Variants in USP9X observed in about 807,000 individuals in gnomAD.
USP9X encodes the protein ubiquitin specific peptidase 9 X-linked.
Under a neutral mutation model 190.3 loss-of-function variants are expected in USP9X, and 7 were observed. The observed-to-expected ratio is 0.04, with a 90% confidence interval of 0.02 to 0.07. The LOEUF is 0.07. USP9X is among the 10% of genes least tolerant of loss of function. USP9X has a pLI of 1.00. For missense variants in USP9X, 1,010 were observed against 1,916.9 expected (o/e 0.53, Z 8.83); for synonymous variants, 645 against 659.5 (o/e 0.98, Z 0.34).
At chrX:41,094,313 A>G (rs1488034760) in intron 1 of USP9X, among the ~76,000 whole-genome samples, 1 of 109,054 alleles carries the variant, frequency 9.2e-6, no homozygotes, top group Non-Finnish European at 1.9e-5. Context: ...AGTAGCTGGG[A>G]TTACAGGTGG....
intron 1 of USP9X, among the ~76,000 whole-genome samples, chrX:41,104,460 C>T (rs1332285098): frequency 8.9e-6 from 1 of 112,179 alleles, no homozygotes; most frequent in Non-Finnish European, 1.9e-5. Flanking sequence ...AATGGAATAA[C>T]AGCTATATCA....
rs142707370 is a variant in USP9X at position 41,154,742 on chromosome X, A to G, written c.1897+1661A>G. On this transcript the variant is annotated intron_variant, in intron 14 of 44. Transcript: ENST00000378308. ...TTAGCTGTATGACTGTGGGCAGGTT[A>G]TTTATGCTAGAATAATGTCTGGCAC... Among the ~76,000 whole-genome samples the G allele has an allele frequency of 1.4e-4, 16 of 111,841 alleles. No homozygotes were observed. In the East Asian group the frequency reaches 4.2e-3, roughly 29 times the overall value.
chrX:41,158,529 TAAAC>T (rs202065273), intron 14 of USP9X, among the ~76,000 whole-genome samples: 3,842 of 111,259 alleles, frequency 0.035, 158 homozygotes, highest in African/African-American at 0.12. Flanking sequence ...TATTCCCAGA[TAAAC>T]AAAGACTGAG....
rs2063371577 is a variant in USP9X, at chrX:41,232,642, G to A, written c.*118G>A. On this transcript the variant is annotated 3_prime_UTR_variant, in exon 45 of 45. Transcript: ENST00000378308. Reference sequence around the variant, plus strand: ...AAACTATTCCTAATCAACATGGAGTGGAGAGTTTATTCACTGTCTTATCTG... The same window carrying A: ...AAACTATTCCTAATCAACATGGAGTAGAGAGTTTATTCACTGTCTTATCTG... 1.0e-6 allele frequency: 1 copy of A among 975,892 alleles called. No individual in the cohort carries two copies. The allele number at this position is 975,892 out of a possible 1,213,427, so 80.4% of individuals were successfully genotyped here.
chrX:41,180,720 C>CT (rs900317453), intron 21 of USP9X, among the ~76,000 whole-genome samples: 1 of 112,011 alleles, frequency 8.9e-6, no homozygotes, highest in African/African-American at 3.2e-5. Context: ...AACCCCTAGC[C>CT]TAGGGACTGG....
At chrX:41,157,597 A>G (rs1013593988) in intron 14 of USP9X, among the ~76,000 whole-genome samples, 2 of 111,440 alleles carry the variant, frequency 1.8e-5, no homozygotes, top group African/African-American at 3.3e-5. Flanking sequence ...CTTATTTCCC[A>G]TAGTCATATT....
intron 21 of USP9X, among the ~76,000 whole-genome samples, chrX:41,178,423 A>G (rs992025950): frequency 2.7e-5 from 3 of 110,482 alleles, no homozygotes; most frequent in African/African-American, 9.9e-5. Context: ...ATTTCATTCT[A>G]ATTGTGGTAA....
rs1049250290 is a variant in USP9X, at chrX:41,111,429, A to G, written c.-158-12042A>G. Reference sequence around the variant, plus strand: ...TGTTACAGAAGGGGCTAAGACAAACAAACACCTGTTGTTTGCCAATGAATC... The same window carrying G: ...TGTTACAGAAGGGGCTAAGACAAACGAACACCTGTTGTTTGCCAATGAATC... On this transcript the variant is annotated intron_variant, in intron 1 of 44. Transcript: ENST00000378308. Among the ~76,000 whole-genome samples the G allele has an allele frequency of 2.8e-4, 31 of 112,126 alleles. 1 individual carries two copies. Among genetic ancestry groups the G allele is most frequent in the African/African-American group, 9.7e-4 (30 of 30,852 alleles).
intron 21 of USP9X, among the ~76,000 whole-genome samples, chrX:41,181,388 C>T (rs778000115): frequency 9.2e-5 from 9 of 97,370 alleles, no homozygotes; most frequent in African/African-American, 3.4e-4. Context: ...AAGTGAGGCT[C>T]CTGCCTAAGA....
At chrX:41,118,340 C>G in intron 1 of USP9X, among the ~76,000 whole-genome samples, 1 of 110,485 alleles carries the variant, frequency 9.1e-6, no homozygotes, top group Non-Finnish European at 1.9e-5. Context: ...TTTCTGCAAG[C>G]GTGACTAATC....
intron 31 of USP9X, 123 bp from the exon 32 acceptor site, chrX:41,205,180 T>A: frequency 1.8e-6 from 1 of 541,796 alleles, no homozygotes; most frequent in Non-Finnish European, 2.8e-6. Context: ...AATTTATAAA[T>A]TGAAAAGTGC....
In USP9X at chrX:41,192,019, T is replaced by C. The variant is rs115376214; in HGVS notation, c.3977+2544T>C. Reference sequence around the variant, plus strand: ...CTTTCCTCCTCATGGTCTACCCTGATCTAAGCAGTCTGGACCCATTGCCTG... The same window carrying C: ...CTTTCCTCCTCATGGTCTACCCTGACCTAAGCAGTCTGGACCCATTGCCTG... On this transcript the variant is annotated intron_variant, in intron 26 of 44. Coordinates refer to ENST00000378308, the MANE Select transcript of USP9X (RefSeq NM_001039591.3). Among the ~76,000 whole-genome samples the C allele has an allele frequency of 4.6e-3, 517 of 111,484 alleles. 3 individuals are homozygous for C. Among genetic ancestry groups the C allele is most frequent in the African/African-American group, 0.015 (472 of 30,656 alleles).
chrX:41,229,506 T>G, intron 42 of USP9X, 61 bp from the exon 43 acceptor site: 6 of 1,170,778 alleles, frequency 5.1e-6, no homozygotes, highest in Non-Finnish European at 6.8e-6. Flanking sequence ...GGTTGTCATT[T>G]TAAGTTAACT....
intron 21 of USP9X, among the ~76,000 whole-genome samples, chrX:41,175,392 G>C (rs1032129513): frequency 1.8e-5 from 2 of 110,312 alleles, no homozygotes; most frequent in East Asian, 5.7e-4. Context: ...GTGGTGATGC[G>C]CACCTGTAGT....
intron 16 of USP9X, among the ~76,000 whole-genome samples, chrX:41,166,960 T>A (rs771888684): frequency 8.9e-6 from 1 of 111,978 alleles, no homozygotes; most frequent in South Asian, 3.7e-4. Flanking sequence ...TTACTTGGTC[T>A]CCCCATGCTT....
chrX:41,194,112 C>G (rs2062961446), intron 26 of USP9X, among the ~76,000 whole-genome samples: 1 of 111,976 alleles, frequency 8.9e-6, no homozygotes, highest in African/African-American at 3.3e-5. Flanking sequence ...GGGTTCCCCC[C>G]AAATTCTACC....
chrX:41,205,140 A>G (rs1464950843), intron 31 of USP9X, 163 bp from the exon 32 acceptor site: 1 of 401,026 alleles, frequency 2.5e-6, no homozygotes, highest in African/African-American at 2.7e-5. Context: ...TAATATGTGA[A>G]ATGGTGGGGA....
intron 34 of USP9X, 49 bp from the exon 35 acceptor site, chrX:41,215,850 C>A: frequency 4.0e-6 from 4 of 994,136 alleles, no homozygotes; most frequent in Non-Finnish European, 3.9e-6. Context: ...TTTTTTTTTT[C>A]CTGTGGATTT....
At position 41,129,089 on chromosome X, in the gene USP9X, TGAG is replaced by T. The variant is rs777590144; in HGVS notation, c.189_191del (p.Glu64del). 7 of 1,209,802 alleles carry T rather than the reference TGAG, an allele frequency of 5.8e-6. No homozygotes were observed. Among genetic ancestry groups the T allele is most frequent in the Non-Finnish European group, 1.1e-6 (1 of 895,247 alleles). On this transcript the variant is annotated inframe_deletion, in exon 3 of 45. Coordinates refer to ENST00000378308, the MANE Select transcript of USP9X (RefSeq NM_001039591.3). ...GTGATGCCCCACCACAGCTTGAAGA[TGAG>T]GAACCTGCATTTCCACATACTGACT...
Sources: allele counts gnomAD v4.1 joint callset (sites outside exome capture counted in the v4.1 genomes callset), GRCh38; gene constraint gnomAD v4.1.1; transcripts MANE v1.5; gene names NCBI Gene and HGNC (gene_info 2026-07-23, HGNC 2026-07-21).